Variants in JPH1 observed in about 807,000 individuals in gnomAD.
The protein encoded by JPH1 is junctophilin 1, also known as junctophilin-1.
A neutral mutation model predicts 53.6 loss-of-function variants in JPH1; 12 were observed. The observed-to-expected ratio is 0.22, with a 90% confidence interval of 0.14 to 0.36. The LOEUF (loss-of-function observed/expected upper bound fraction) is 0.36. JPH1 is among the 10% of genes least tolerant of loss of function. The pLI, the probability that JPH1 is intolerant of heterozygous loss-of-function variation, is 1.00. For missense variants in JPH1, 808 were observed against 905.5 expected (o/e 0.89, Z 1.38); for synonymous variants, 375 against 363.8 (o/e 1.03, Z -0.35).
At chr8:74,242,820 A>G (rs1226766782) in intron 4 of JPH1, among the ~76,000 whole-genome samples, 2 of 152,228 alleles carry the variant, frequency 1.3e-5, no homozygotes, top group Admixed American at 1.3e-4. Flanking sequence ...ACTGAGATGG[A>G]GGATGCTTGT....
At chr8:74,261,865 C>T (rs577370578) in intron 2 of JPH1, among the ~76,000 whole-genome samples, 3 of 152,236 alleles carry the variant, frequency 2.0e-5, no homozygotes, top group East Asian at 3.9e-4. Context: ...GTAACTTATT[C>T]GGATTCAATC....
intron 3 of JPH1, among the ~76,000 whole-genome samples, chr8:74,247,310 T>C (rs988049071): frequency 6.6e-6 from 1 of 152,238 alleles, no homozygotes; most frequent in Non-Finnish European, 1.5e-5. Flanking sequence ...TTCAACTTCA[T>C]AGCATTACTA....
At chr8:74,249,116 G>A (rs1318065819) in intron 3 of JPH1, among the ~76,000 whole-genome samples, 1 of 152,120 alleles carries the variant, frequency 6.6e-6, no homozygotes, top group South Asian at 2.1e-4. Flanking sequence ...CAGTTGGCAC[G>A]AAGGCTCTGA....
At chr8:74,282,417 C>CT (rs1807039293) in intron 2 of JPH1, among the ~76,000 whole-genome samples, 2 of 152,134 alleles carry the variant, frequency 1.3e-5, no homozygotes, top group African/African-American at 2.4e-5. Context: ...TATTGGAAAG[C>CT]TTTAAGTTTT....
intron 2 of JPH1, among the ~76,000 whole-genome samples, chr8:74,304,637 A>G (rs971225316): frequency 1.0e-5 from 1 of 97,810 alleles, no homozygotes; most frequent in African/African-American, 4.1e-5. Context: ...AAGCTCCCAC[A>G]CCAATTTAAA....
At position 74,235,938 on chromosome 8, in the gene JPH1, T is replaced by G. The variant is rs190659592; in HGVS notation, c.*1113A>C. On this transcript the variant is annotated 3_prime_UTR_variant, in exon 6 of 6. Transcript: ENST00000342232. The stretch of plus-strand genomic sequence containing the variant: ...AAACAAGAAAGAGCAGAGCAGTTTA[T>G]TAATAGCATCTTGCTTAACTTTCAT... 5.9e-5 allele frequency: 9 copies of G among 152,340 alleles called. No homozygotes were observed. Among genetic ancestry groups the G allele is most frequent in the African/African-American group, 1.9e-4 (8 of 41,586 alleles). 9.4% of individuals were successfully genotyped at this position (152,340 alleles called of 1,614,324 possible).
At chr8:74,265,164 T>C (rs1429361372) in intron 2 of JPH1, among the ~76,000 whole-genome samples, 1 of 152,140 alleles carries the variant, frequency 6.6e-6, no homozygotes, top group Non-Finnish European at 1.5e-5. Context: ...ATTAATAAGC[T>C]CTTGTAATAC....
chr8:74,317,918 G>C (rs907231674), intron 1 of JPH1, among the ~76,000 whole-genome samples: 1 of 152,088 alleles, frequency 6.6e-6, no homozygotes, highest in African/African-American at 2.4e-5. Context: ...TAATTAGAAA[G>C]TTTAAGTCTC....
chr8:74,317,107 A>C (rs780323651), intron 1 of JPH1, among the ~76,000 whole-genome samples: 3 of 152,234 alleles, frequency 2.0e-5, no homozygotes, highest in Non-Finnish European at 4.4e-5. Context: ...CATTTTCAAA[A>C]CACCGGGCAA....
rs568196022 is a variant in JPH1 at position 74,300,076 on chromosome 8, C to G, written c.1139+14785G>C. Among the ~76,000 whole-genome samples, 4 of 152,322 alleles carry G rather than the reference C, an allele frequency of 2.6e-5. No homozygotes were observed. In the East Asian group the frequency reaches 7.7e-4, roughly 29 times the overall value. Reference sequence around the variant, plus strand: ...TTCCAACAATGGGCTGAAAGTTACTCTGATCTAGCGAAGAGTTAGAATAAT... The same window carrying G: ...TTCCAACAATGGGCTGAAAGTTACTGTGATCTAGCGAAGAGTTAGAATAAT... On this transcript the variant is annotated intron_variant, in intron 2 of 5. Coordinates refer to ENST00000342232, the MANE Select transcript of JPH1 (RefSeq NM_020647.4).
At chr8:74,310,867 C>A (rs1001266063) in intron 2 of JPH1, among the ~76,000 whole-genome samples, 1 of 152,176 alleles carries the variant, frequency 6.6e-6, no homozygotes, top group Non-Finnish European at 1.5e-5. Flanking sequence ...GTCTCTAAAG[C>A]ATAAGAAATA....
At chr8:74,291,116 C>A (rs1369490611) in intron 2 of JPH1, among the ~76,000 whole-genome samples, 1 of 152,026 alleles carries the variant, frequency 6.6e-6, no homozygotes, top group Non-Finnish European at 1.5e-5. Flanking sequence ...GCAACAAAAG[C>A]CAAAATTGAC....
chr8:74,307,242 G>A (rs1807865422), intron 2 of JPH1, among the ~76,000 whole-genome samples: 1 of 151,924 alleles, frequency 6.6e-6, no homozygotes, highest in South Asian at 2.1e-4. Context: ...TGTGAAAATG[G>A]TACTTCTAGG....
At chr8:74,266,180 T>C (rs578223703) in intron 2 of JPH1, among the ~76,000 whole-genome samples, 3 of 152,184 alleles carry the variant, frequency 2.0e-5, no homozygotes, top group African/African-American at 4.8e-5. Context: ...CCCATGTTCA[T>C]AGCACCATTA....
In JPH1 at chr8:74,315,400, G is replaced by A. The variant is rs201425701; in HGVS notation, c.600C>T (p.Asp200=). ...CCTTCTTCTTGCCCGCTAGCTCAGCGTCTGCGTGGAAGTTGAGCACGAAAC... is the reference window on the plus strand; with the variant it reads ...CCTTCTTCTTGCCCGCTAGCTCAGCATCTGCGTGGAAGTTGAGCACGAAAC... The part of the protein sequence containing the change: ...RGGFVLNFHA[D]AELAGKKKGG... The change falls in exon 2 of 6, where the codon GAC becomes GAT. Residue 200 remains aspartate (D), a synonymous_variant. Coordinates refer to ENST00000342232, the MANE Select transcript of JPH1 (RefSeq NM_020647.4). The surrounding 1 kb of genome is among the most constrained non-coding windows in gnomAD (Gnocchi z 6.3). 53 of 1,612,538 alleles carry A rather than the reference G, an allele frequency of 3.3e-5. 1 individual carries two copies. In the Admixed American group the frequency reaches 8.3e-4, roughly 25 times the overall value.
chr8:74,247,281 T>A (rs1805886283), intron 3 of JPH1, among the ~76,000 whole-genome samples: 1 of 152,236 alleles, frequency 6.6e-6, no homozygotes, highest in Non-Finnish European at 1.5e-5. Flanking sequence ...TGGTTGGTTT[T>A]ATTTGTGCTT....
intron 2 of JPH1, among the ~76,000 whole-genome samples, chr8:74,313,251 A>G (rs1017822740): frequency 6.6e-6 from 1 of 152,230 alleles, no homozygotes; most frequent in African/African-American, 2.4e-5. Context: ...CACTAGGTCT[A>G]AAAGTAAGCC....
At position 74,259,500 on chromosome 8, in the gene JPH1, A is replaced by G. The variant is rs1435219480; in HGVS notation, c.1143T>C (p.Thr381=). 1 of 1,587,406 alleles carries G rather than the reference A, an allele frequency of 6.3e-7. No individual in the cohort carries two copies. Among genetic ancestry groups the G allele is most frequent in the South Asian group, 1.1e-5 (1 of 88,802 alleles). ...RTKVEIANSR[T]AHARAKADAA... ...CATCGGCCTTCGCTCTGGCATGTGC[A>G]GTCCTACACGGGGCACAAAAGGACG... is the stretch of plus-strand genomic sequence containing the variant. The change falls in exon 3 of 6, where the codon ACT becomes ACC. Residue 381 remains threonine, a synonymous_variant. Coordinates refer to ENST00000342232, the MANE Select transcript of JPH1 (RefSeq NM_020647.4).
In JPH1 at chr8:74,245,118, T is replaced by C. The variant is rs1192483058; in HGVS notation, c.1316A>G (p.Glu439Gly). Reference sequence around the variant, plus strand: ...AGGTGGCTTTTCTGGTACCTTTTCTTCTGGATTTTCTTTAGCATCTACACC... The same window carrying C: ...AGGTGGCTTTTCTGGTACCTTTTCTCCTGGATTTTCTTTAGCATCTACACC... ...QEGVDAKENP[E>G]EKVPEKPPTP... Residue 439 changes from glutamate to glycine, a missense_variant, in exon 4 of 6, where the codon GAA becomes GGA. This residue lies in a region of JPH1 where 756 missense variants were observed against 811.9 expected (regional missense o/e 0.93). Coordinates refer to ENST00000342232, the MANE Select transcript of JPH1 (RefSeq NM_020647.4). 2 of 1,611,778 alleles carry C rather than the reference T, an allele frequency of 1.2e-6. No individual in the cohort carries two copies. The highest frequency in any genetic ancestry group is 3.3e-5 in the Admixed American group (2 of 59,748).
Sources: gnomAD v4.1 joint callset for allele counts (sites outside exome capture counted in the v4.1 genomes callset) on GRCh38, gnomAD v4.1.1 for gene constraint, gnomAD v4.1.1 regional missense constraint, Gnocchi (gnomAD v3.1) non-coding constraint, MANE v1.5 for transcripts, NCBI Gene and HGNC (gene_info 2026-07-23, HGNC 2026-07-21) for gene names.